The following TNRC18 variants were observed in gnomAD, a reference collection of about 807,000 sequenced individuals.
TNRC18 encodes the protein trinucleotide repeat-containing gene 18 protein.
A neutral mutation model predicts 226.7 loss-of-function variants in TNRC18; 69 were observed. The observed-to-expected ratio is 0.30, with a 90% CI of 0.25 to 0.37. The LOEUF (loss-of-function observed/expected upper bound fraction) is 0.37, where lower values mean the gene tolerates loss of function less well. TNRC18 is among the 10% of genes least tolerant of loss of function. The pLI is 1.00. For synonymous variants in TNRC18, 2,449 were observed against 1,927.6 expected (o/e 1.27, Z -7.09); for missense variants, 4,754 against 4,256.6 (o/e 1.12, Z -3.25).
chr7:5,397,730 G>A (rs917269046), intron 2 of TNRC18, among the ~76,000 whole-genome samples: 1 of 151,904 alleles, frequency 6.6e-6, no homozygotes, highest in Admixed American at 6.6e-5. Flanking sequence ...CTCCCACCTC[G>A]GGTCTCCCTG....
intron 19 of TNRC18, among the ~76,000 whole-genome samples, chr7:5,332,239 T>G (rs2128126774): frequency 6.6e-6 from 1 of 152,080 alleles, no homozygotes; most frequent in Non-Finnish European, 1.5e-5. Flanking sequence ...GAGTTCAAGA[T>G]CAGCCTGGGC....
chr7:5,378,277 C>A (rs1779147075), intron 5 of TNRC18, among the ~76,000 whole-genome samples: 1 of 152,168 alleles, frequency 6.6e-6, no homozygotes, highest in African/African-American at 2.4e-5. Context: ...CTGTCTATGT[C>A]CCCTAGACAG....
intron 16 of TNRC18, among the ~76,000 whole-genome samples, chr7:5,355,980 C>A (rs566480016): frequency 9.9e-5 from 15 of 152,194 alleles, no homozygotes; most frequent in African/African-American, 3.4e-4. Flanking sequence ...GCCTGGCCAA[C>A]ATGGCAAAAC....
At chr7:5,398,150 A>G (rs957979178) in intron 2 of TNRC18, among the ~76,000 whole-genome samples, 1 of 151,256 alleles carries the variant, frequency 6.6e-6, no homozygotes, top group African/African-American at 2.4e-5. Context: ...ACAGGCACAC[A>G]TCATCAGGCC....
At chr7:5,320,879 T>C (rs932817895) in intron 22 of TNRC18, among the ~76,000 whole-genome samples, 194 bp downstream of exon 22, 2 of 152,238 alleles carry the variant, frequency 1.3e-5, no homozygotes, top group African/African-American at 4.8e-5. Context: ...GCCCAGCCCC[T>C]GGGAGGGTTC....
intron 16 of TNRC18, among the ~76,000 whole-genome samples, chr7:5,352,546 T>G (rs1263603514): frequency 1.3e-5 from 2 of 152,186 alleles, no homozygotes; most frequent in Non-Finnish European, 2.9e-5. Flanking sequence ...CTCTTCCCAG[T>G]GCCCCTCCCA....
chr7:5,377,247 C>CGA lies in TNRC18; in HGVS notation c.2461+123_2461+124insTC. On this transcript the variant is annotated intron_variant, in intron 7 of 29. Coordinates refer to ENST00000430969, the MANE Select transcript of TNRC18 (RefSeq NM_001080495.3). The surrounding 1 kb of genome is among the most constrained non-coding windows in gnomAD (Gnocchi z 5.8). Reference sequence around the variant, plus strand: ...TTATCATTCCTTCTTCCGACGAATGCGGGAGGCAGGCCCAGGCCCCCCAGG... The same window carrying CGA: ...TTATCATTCCTTCTTCCGACGAATGCGAGGGAGGCAGGCCCAGGCCCCCCAGG... 8.6e-7 allele frequency: 1 copy of CGA among 1,159,360 alleles called. No homozygotes were observed. Among genetic ancestry groups the CGA allele is most frequent in the Non-Finnish European group, 1.2e-6 (1 of 837,704 alleles). The allele number at this position is 1,159,360 out of a possible 1,614,324, so 71.8% of individuals were successfully genotyped here.
At position 5,321,419 on chromosome 7, in the gene TNRC18, C is replaced by T. The variant is rs979569136; in HGVS notation, c.6443-229G>A. On this transcript the variant is annotated intron_variant, in intron 21 of 29. Transcript: ENST00000430969. ...CCGTGGCCAGCCCCTCTCCTCCTAG[C>T]CCCCTCCCCTGCCTGGCCCCAGATG... Among the ~76,000 whole-genome samples the T allele has an allele frequency of 2.6e-5, 4 of 152,226 alleles. No homozygotes were observed. The South Asian group carries it at 8.3e-4, about 32-fold the overall frequency.
chr7:5,314,666 A>G (rs1044943489), intron 26 of TNRC18, among the ~76,000 whole-genome samples: 1 of 139,268 alleles, frequency 7.2e-6, no homozygotes, highest in Non-Finnish European at 1.5e-5. Flanking sequence ...TCCAGCTCCC[A>G]GGTTGAAGTG....
rs556379360 is a variant in TNRC18 at position 5,379,023 on chromosome 7, G to A, written c.2153-999C>T. 2.8e-3 allele frequency among the ~76,000 whole-genome samples: 427 copies of A among 151,754 alleles called. 5 individuals carry two copies. The highest frequency in any genetic ancestry group is 9.4e-3 in the African/African-American group (387 of 41,374). ...AGCCTGGCCAACATGGCAAAACACC[G>A]TCTCTACTAAAAAAAATACAAAAAT... On this transcript the variant is annotated intron_variant, in intron 5 of 29. Coordinates refer to ENST00000430969, the MANE Select transcript of TNRC18 (RefSeq NM_001080495.3).
At chr7:5,358,713 C>T (rs1266769344) in intron 15 of TNRC18, among the ~76,000 whole-genome samples, 1 of 152,152 alleles carries the variant, frequency 6.6e-6, no homozygotes, top group Non-Finnish European at 1.5e-5. Flanking sequence ...ACTTGGGAGG[C>T]TGAGGCAGGA....
intron 19 of TNRC18, chr7:5,330,099 T>C (rs1789359683): frequency 2.5e-6 from 1 of 404,526 alleles, no homozygotes; most frequent in South Asian, 1.8e-5. Context: ...ACCCAGCTAA[T>C]TTTTTTATTT....
chr7:5,310,688 C>G (rs1052317350), intron 27 of TNRC18, among the ~76,000 whole-genome samples: 1 of 152,250 alleles, frequency 6.6e-6, no homozygotes, highest in African/African-American at 2.4e-5. Context: ...ACTTAAGCCA[C>G]TGCACCTGGG....
At chr7:5,417,407 T>A (rs757178393) in intron 2 of TNRC18, among the ~76,000 whole-genome samples, 2 of 146,714 alleles carry the variant, frequency 1.4e-5, no homozygotes, top group Non-Finnish European at 3.0e-5. Flanking sequence ...GAGGTGGAGG[T>A]TGCAATGAGC....
chr7:5,361,871 A>G (rs764686507), intron 13 of TNRC18, 26 bp downstream of exon 13: 2 of 1,526,214 alleles, frequency 1.3e-6, no homozygotes, highest in South Asian at 2.5e-5. Context: ...CAGGGGCCCC[A>G]CGGGGCGGGC....
intron 5 of TNRC18, among the ~76,000 whole-genome samples, chr7:5,382,324 G>A (rs1336234206): frequency 1.3e-5 from 2 of 152,156 alleles, no homozygotes; most frequent in Non-Finnish European, 2.9e-5. Context: ...AGGCCGCCCA[G>A]AGGCCCAGCC....
intron 22 of TNRC18, among the ~76,000 whole-genome samples, 179 bp downstream of exon 22, chr7:5,320,894 A>G (rs1416991111): frequency 1.3e-5 from 2 of 152,222 alleles, no homozygotes; most frequent in African/African-American, 4.8e-5. Flanking sequence ...GGGTTCACCC[A>G]GTACTCCCTC....
In TNRC18 at chr7:5,389,629, AT is replaced by A. The variant is rs374677917; in HGVS notation, c.488-294del. On this transcript the variant is annotated intron_variant, in intron 4 of 29. Transcript: ENST00000430969. ...CCCACCACGCACGGCTAATTATTGT[AT>A]TTTTAATACAGGTGGGGTTTCACCA... 205 of 211,880 alleles carry A rather than the reference AT, an allele frequency of 9.7e-4. 1 individual carries two copies. The highest frequency in any genetic ancestry group is 4.7e-3 in the African/African-American group (202 of 42,944). The allele number at this position is 211,880 out of a possible 1,614,324, so 13.1% of individuals were successfully genotyped here.
chr7:5,417,728 C>T (rs530337104), intron 2 of TNRC18, among the ~76,000 whole-genome samples: 14 of 152,340 alleles, frequency 9.2e-5, no homozygotes, highest in Admixed American at 3.3e-4. Context: ...CCCCTCCCCA[C>T]CAAGTGGCCC....
Sources: gnomAD v4.1 joint callset for allele counts (sites outside exome capture counted in the v4.1 genomes callset) on GRCh38, gnomAD v4.1.1 for gene constraint, Gnocchi (gnomAD v3.1) non-coding constraint, MANE v1.5 for transcripts, NCBI Gene and HGNC (gene_info 2026-07-23, HGNC 2026-07-21) for gene names.